The following TMEM268 variants were observed in gnomAD, a reference collection of about 807,000 sequenced individuals.
TMEM268 encodes the protein transmembrane protein C9orf91.
In TMEM268, 24 loss-of-function variants were observed where a neutral mutation model predicts 39.1. The ratio of observed to expected loss-of-function variants is 0.61; its 90% CI spans 0.44 to 0.86. The LOEUF (loss-of-function observed/expected upper bound fraction) is 0.86. Among genes scored for constraint, TMEM268 ranks in the 40% least tolerant of loss-of-function variants. The pLI is 0.00. For synonymous variants in TMEM268, 176 were observed against 173.5 expected (o/e 1.01, Z -0.12); for missense variants, 409 against 428.6 (o/e 0.95, Z 0.40).
intron 4 of TMEM268, 114 bp from the exon 5 acceptor site, chr9:114,627,987 G>A: frequency 9.0e-7 from 1 of 1,109,462 alleles, no homozygotes; most frequent in Non-Finnish European, 1.3e-6. Flanking sequence ...GGTGCTGTGA[G>A]CTGTCTGAAT....
chr9:114,627,705 A>G (rs973597310), intron 4 of TMEM268, among the ~76,000 whole-genome samples: 14 of 152,158 alleles, frequency 9.2e-5, no homozygotes, highest in Non-Finnish European at 1.9e-4. Flanking sequence ...AATGCCGTGA[A>G]ATAGGTGTTA....
At chr9:114,628,322 C>G in intron 5 of TMEM268, 72 bp downstream of exon 5, 3 of 1,547,922 alleles carry the variant, frequency 1.9e-6, no homozygotes, top group Admixed American at 1.8e-5. Flanking sequence ...AGATTTTTCC[C>G]TTTTGCCTCC....
chr9:114,644,808 TTTAA>T lies in TMEM268; in HGVS notation c.*1498_*1501del, dbSNP rs1432531975. On this transcript the variant is annotated 3_prime_UTR_variant, in exon 9 of 9. Coordinates refer to ENST00000288502, the MANE Select transcript of TMEM268 (RefSeq NM_153045.4). ...GGGTGGATTGGATGATTTTTTTTTT[TTTAA>T]TTGAGATGGAGTCTTGCACTGTCAC... The T allele has an allele frequency of 2.0e-5, 3 of 151,940 alleles. No homozygotes were observed. Among genetic ancestry groups the T allele is most frequent in the Admixed American group, 2.0e-4 (3 of 15,242 alleles). 9.4% of individuals were successfully genotyped at this position (151,940 alleles called of 1,614,324 possible). A position where few individuals can be genotyped will look rare whatever the true frequency, so the allele number is the denominator to read the frequency against.
At chr9:114,637,203 T>C in intron 7 of TMEM268, 133 bp downstream of exon 7, 1 of 583,136 alleles carries the variant, frequency 1.7e-6, no homozygotes, top group South Asian at 2.4e-5. Flanking sequence ...CAGTGGTTGT[T>C]TTGCCTAGGG....
At chr9:114,633,256 G>A (rs139320448) in intron 5 of TMEM268, among the ~76,000 whole-genome samples, 2,087 of 151,940 alleles carry the variant, frequency 0.014, 90 homozygotes, top group South Asian at 0.078. Flanking sequence ...CTGCCTCCTG[G>A]GTTCAAGCAA....
chr9:114,633,610 A>AC (rs201194242), intron 5 of TMEM268, among the ~76,000 whole-genome samples, 158 bp from the exon 6 acceptor site: 2,141 of 152,014 alleles, frequency 0.014, 89 homozygotes, highest in South Asian at 0.078. Context: ...GACTGCCTCC[A>AC]CCCCCGACCA....
In TMEM268 at chr9:114,619,624, C is replaced by T. The variant is rs568647236; in HGVS notation, c.106+2323C>T. 9.2e-5 allele frequency among the ~76,000 whole-genome samples: 14 copies of T among 152,268 alleles called. No individual in the cohort carries two copies. In the East Asian group the frequency reaches 1.7e-3, roughly 19 times the overall value. The stretch of plus-strand genomic sequence containing the variant: ...GTGGACTGGAGAGCTGGTCTGAGAC[C>T]GGATCTGCTTGACTGCCTGCATTTT... On this transcript the variant is annotated intron_variant, in intron 2 of 8. Transcript: ENST00000288502.
chr9:114,624,608 CTCTT>C (rs1564290004), intron 3 of TMEM268, 149 bp downstream of exon 3: 1 of 1,299,540 alleles, frequency 7.7e-7, no homozygotes, highest in Non-Finnish European at 1.0e-6. Flanking sequence ...GAAGTGCCCT[CTCTT>C]TCCTCTCTTC....
the TMEM268 span, among the ~76,000 whole-genome samples, chr9:114,605,440 C>G: frequency 2.0e-5 from 3 of 151,768 alleles, no homozygotes; most frequent in Non-Finnish European, 4.4e-5. Flanking sequence ...TCAGGGAGAT[C>G]TAGAAGGTGA....
At chr9:114,611,774 G>A (rs1022711070) in intron 1 of TMEM268, among the ~76,000 whole-genome samples, 2 of 152,186 alleles carry the variant, frequency 1.3e-5, no homozygotes, top group African/African-American at 4.8e-5. Context: ...GAGCGGCTCT[G>A]ACAAGCCTCC....
intron 4 of TMEM268, among the ~76,000 whole-genome samples, chr9:114,627,898 CT>C (rs1411006075): frequency 6.6e-6 from 1 of 152,114 alleles, no homozygotes; most frequent in African/African-American, 2.4e-5. Context: ...GCTACTAACC[CT>C]TTTTGTCTAC....
chr9:114,609,721 A>C (rs921066972), upstream of TMEM268, among the ~76,000 whole-genome samples: 46 of 126,762 alleles, frequency 3.6e-4, no homozygotes, highest in Non-Finnish European at 5.8e-4. Context: ...AAGAAAAAGA[A>C]AAAGAAAAAG....
intron 6 of TMEM268, among the ~76,000 whole-genome samples, chr9:114,634,697 A>C (rs1036141640): frequency 6.6e-6 from 1 of 152,170 alleles, no homozygotes; most frequent in African/African-American, 2.4e-5. Flanking sequence ...GGACCTGGGA[A>C]GAGGCTCCTC....
intron 1 of TMEM268, among the ~76,000 whole-genome samples, chr9:114,612,305 T>A (rs1845533620): frequency 6.6e-6 from 1 of 152,144 alleles, no homozygotes; most frequent in Non-Finnish European, 1.5e-5. Context: ...GGAGTTGACC[T>A]TGTGCAAGAT....
In TMEM268 at chr9:114,646,392, G is replaced by A. The variant is rs944512534; in HGVS notation, c.*3079G>A. On this transcript the variant is annotated 3_prime_UTR_variant, in exon 9 of 9. Transcript: ENST00000288502. ...TTGCAACTTTGAATACCAAACTTGAGTGAAAGCTCAATAAATTGTTACTTA... is the reference window on the plus strand; with the variant it reads ...TTGCAACTTTGAATACCAAACTTGAATGAAAGCTCAATAAATTGTTACTTA... 1.3e-5 allele frequency: 2 copies of A among 152,328 alleles called. No homozygotes were observed. Among genetic ancestry groups the A allele is most frequent in the African/African-American group, 4.8e-5 (2 of 41,458 alleles). 9.4% of individuals were successfully genotyped at this position (152,328 alleles called of 1,614,324 possible). A position where few individuals can be genotyped will look rare whatever the true frequency, so the allele number is the denominator to read the frequency against.
the TMEM268 span, among the ~76,000 whole-genome samples, chr9:114,605,204 A>G: frequency 6.6e-6 from 1 of 152,190 alleles, no homozygotes; most frequent in East Asian, 1.9e-4. Flanking sequence ...CTGTTTAATT[A>G]TTTTTCTCCC....
At chr9:114,621,985 G>A (rs961906665) in intron 2 of TMEM268, 8 of 522,726 alleles carry the variant, frequency 1.5e-5, no homozygotes, top group Middle Eastern at 9.7e-4. Context: ...AAGATGCATT[G>A]TAGAAGTAAA....
intron 2 of TMEM268, among the ~76,000 whole-genome samples, chr9:114,619,457 C>T (rs369172177): frequency 3.3e-5 from 5 of 152,166 alleles, no homozygotes; most frequent in Non-Finnish European, 7.3e-5. Flanking sequence ...ACTCTTGGTT[C>T]GAAAGGCAAA....
chr9:114,612,117 TC>T, intron 1 of TMEM268, among the ~76,000 whole-genome samples: 1 of 152,208 alleles, frequency 6.6e-6, no homozygotes, highest in Non-Finnish European at 1.5e-5. Context: ...TCTTAGGGTC[TC>T]GTGTTGTGTT....
Sources: gnomAD v4.1 joint callset for allele counts (sites outside exome capture counted in the v4.1 genomes callset) on GRCh38, gnomAD v4.1.1 for gene constraint, MANE v1.5 for transcripts, NCBI Gene and HGNC (gene_info 2026-07-23, HGNC 2026-07-21) for gene names.